JDP2: variants seen among roughly 807,000 people sequenced by gnomAD.
JDP2 encodes progesterone receptor co-activator.
JDP2 carries 9 observed loss-of-function variants against 17.1 expected under a neutral mutation model. The observed-to-expected ratio is 0.53, with a 90% CI of 0.32 to 0.92. The LOEUF (loss-of-function observed/expected upper bound fraction) is 0.92. JDP2 is among the 40% of genes least tolerant of loss of function. JDP2 has a pLI of 0.04. For synonymous variants in JDP2, 107 were observed against 95.6 expected (o/e 1.12, Z -0.69); for missense variants, 179 against 220.0 (o/e 0.81, Z 1.18).
intron 2 of JDP2, among the ~76,000 whole-genome samples, chr14:75,457,899 C>CAGAT (rs1434340673): frequency 6.6e-6 from 1 of 152,242 alleles, no homozygotes; most frequent in African/African-American, 2.4e-5. Context: ...AAAGGCCATG[C>CAGAT]AGATGCAAAC....
chr14:75,442,776 T>C (rs1178754193), intron 2 of JDP2, among the ~76,000 whole-genome samples: 1 of 152,134 alleles, frequency 6.6e-6, no homozygotes, highest in Non-Finnish European at 1.5e-5. Context: ...TATCTGAGGG[T>C]AGAGTCCTGG....
chr14:75,432,168 C>G (rs1884834214), intron 1 of JDP2: 1 of 673,552 alleles, frequency 1.5e-6, no homozygotes, highest in East Asian at 2.7e-5. Flanking sequence ...CCTTCACTCT[C>G]AGTCTTGGGG....
intron 2 of JDP2, among the ~76,000 whole-genome samples, chr14:75,454,826 G>T (rs1886030027): frequency 6.6e-6 from 1 of 151,982 alleles, no homozygotes. Flanking sequence ...GGTAGAGGAG[G>T]GCGATGTAGT....
intron 2 of JDP2, among the ~76,000 whole-genome samples, chr14:75,438,888 G>A (rs530247987): frequency 1.1e-3 from 166 of 152,358 alleles, no homozygotes; most frequent in African/African-American, 3.8e-3. Context: ...AGGGCTGGCC[G>A]TTTCTCTGAA....
At chr14:75,458,582 G>A (rs1886216761) in intron 2 of JDP2, among the ~76,000 whole-genome samples, 1 of 152,142 alleles carries the variant, frequency 6.6e-6, no homozygotes, top group South Asian at 2.1e-4. Context: ...TGAGCATTCA[G>A]GTTGATTCTG....
chr14:75,449,915 G>C (rs1301452037), intron 2 of JDP2, among the ~76,000 whole-genome samples: 2 of 152,180 alleles, frequency 1.3e-5, no homozygotes, highest in African/African-American at 4.8e-5. Context: ...GGCTTTCTCA[G>C]GCTTTGTTCC....
rs1424126313 is a variant in JDP2, at chr14:75,428,587, C to T, written c.-24+335C>T. ...TCCGTTTGCAGGGAGGTGCTCTCCT[C>T]GGGCGGCGGGGAAGGCGGGGTGAGT... On this transcript the variant is annotated intron_variant, in intron 1 of 3. Transcript: ENST00000651602. The surrounding 1 kb of genome is among the most constrained non-coding windows in gnomAD (Gnocchi z 5.6). 6.6e-6 allele frequency: 1 copy of T among 152,248 alleles called. No homozygotes were observed. Among genetic ancestry groups the T allele is most frequent in the African/African-American group, 2.4e-5 (1 of 41,388 alleles). The allele number at this position is 152,248 out of a possible 1,614,324, so 9.4% of individuals were successfully genotyped here.
chr14:75,436,204 C>T (rs1049647309), intron 1 of JDP2, among the ~76,000 whole-genome samples: 7 of 152,022 alleles, frequency 4.6e-5, no homozygotes, highest in East Asian at 1.9e-4. Flanking sequence ...CACAAATGCC[C>T]CTCTCTGGAA....
At chr14:75,434,492 G>A (rs1039354688) in intron 1 of JDP2, among the ~76,000 whole-genome samples, 5 of 152,126 alleles carry the variant, frequency 3.3e-5, no homozygotes, top group Admixed American at 6.5e-5. Flanking sequence ...TGTCTCCTGG[G>A]TGAGGCTTGT....
chr14:75,452,339 C>A (rs1222961708), intron 2 of JDP2, among the ~76,000 whole-genome samples: 4 of 152,290 alleles, frequency 2.6e-5, no homozygotes, highest in South Asian at 4.1e-4. Flanking sequence ...TAAAATAAGG[C>A]CCCTGAGACC....
intron 1 of JDP2, 125 bp from the exon 2 acceptor site, chr14:75,437,772 TG>T: frequency 1.6e-6 from 1 of 631,386 alleles, no homozygotes; most frequent in Non-Finnish European, 2.6e-6. Context: ...GAAGAGCAGC[TG>T]GGTGGGAAAG....
intron 2 of JDP2, among the ~76,000 whole-genome samples, chr14:75,442,306 C>G (rs895514707): frequency 1.5e-4 from 23 of 152,194 alleles, no homozygotes; most frequent in Non-Finnish European, 2.8e-4. Flanking sequence ...TATCTACCCA[C>G]TTAAGGCCAC....
At chr14:75,431,202 G>A (rs945907291) in intron 1 of JDP2, among the ~76,000 whole-genome samples, 2 of 152,236 alleles carry the variant, frequency 1.3e-5, no homozygotes, top group Admixed American at 6.5e-5. Flanking sequence ...TCCTCTTGCT[G>A]CCTGGGTTAA....
chr14:75,427,325 G>C (rs1884569074), upstream of JDP2: 1 of 152,570 alleles, frequency 6.6e-6, no homozygotes, highest in Non-Finnish European at 1.5e-5. The surrounding 1 kb of genome is among the most constrained non-coding windows in gnomAD (Gnocchi z 4.4). Flanking sequence ...CCCTAGCAGA[G>C]GTCAGGCTGG....
chr14:75,439,292 G>A (rs1885225733), intron 2 of JDP2, among the ~76,000 whole-genome samples: 1 of 152,248 alleles, frequency 6.6e-6, no homozygotes, highest in Non-Finnish European at 1.5e-5. Flanking sequence ...GTGGCAAACT[G>A]GCCATTTGCA....
chr14:75,427,883 C>T (rs1171932150), upstream of JDP2: 1 of 151,974 alleles, frequency 6.6e-6, no homozygotes, highest in Admixed American at 6.5e-5. The surrounding 1 kb of genome is among the most constrained non-coding windows in gnomAD (Gnocchi z 4.4). Context: ...TCCACACCCC[C>T]TCCTCCCCGG....
rs991681168 is a variant in JDP2 at position 75,473,768 on chromosome 14, G to A, written c.*4293G>A. 1 of 152,140 alleles carries A rather than the reference G, an allele frequency of 6.6e-6. No individual in the cohort carries two copies. Among genetic ancestry groups the A allele is most frequent in the Non-Finnish European group, 1.5e-5 (1 of 68,038 alleles). 9.4% of individuals were successfully genotyped at this position (152,140 alleles called of 1,614,324 possible). ...GTCATATTTCTAACTAAATGTATAC[G>A]TTGATACTTTATTGTTTATGGCTAC... On this transcript the variant is annotated 3_prime_UTR_variant, in exon 4 of 4. Transcript: ENST00000651602.
chr14:75,452,439 T>G (rs1029101351), intron 2 of JDP2, among the ~76,000 whole-genome samples: 1 of 152,118 alleles, frequency 6.6e-6, no homozygotes, highest in Non-Finnish European at 1.5e-5. Flanking sequence ...GGTGACCTGA[T>G]TGACTCGAGG....
chr14:75,469,211 T>C (rs976797084), intron 3 of JDP2, 79 bp from the exon 4 acceptor site: 4 of 1,389,604 alleles, frequency 2.9e-6, no homozygotes, highest in Middle Eastern at 1.9e-4. Flanking sequence ...CAGCGTGCCC[T>C]GTGCCTAACC....
Sources: gnomAD v4.1 joint callset for allele counts (sites outside exome capture counted in the v4.1 genomes callset) on GRCh38, gnomAD v4.1.1 for gene constraint, Gnocchi (gnomAD v3.1) non-coding constraint, MANE v1.5 for transcripts, NCBI Gene and HGNC (gene_info 2026-07-23, HGNC 2026-07-21) for gene names.